Variants in RBM6 observed in about 807,000 individuals in gnomAD.
The protein encoded by RBM6 is RNA-binding protein 6.
Under a neutral mutation model 140.4 loss-of-function variants are expected in RBM6, and 23 were observed. That is an observed-to-expected ratio of 0.16 (90% CI 0.12 to 0.23). The LOEUF (loss-of-function observed/expected upper bound fraction) is 0.23, where lower values mean the gene tolerates loss of function less well. Among genes scored for constraint, RBM6 ranks in the 10% least tolerant of loss-of-function variants. RBM6 has a pLI of 1.00. For synonymous variants in RBM6, 439 were observed against 475.6 expected, an observed-to-expected ratio of 0.92 and a Z score of 1.00; for missense variants, 1,139 against 1,386.7, an observed-to-expected ratio of 0.82 and a Z score of 2.84.
At chr3:50,065,321 G>A (rs562313070) in intron 16 of RBM6, among the ~76,000 whole-genome samples, 195 bp downstream of exon 16, 44 of 152,280 alleles carry the variant, frequency 2.9e-4, no homozygotes, top group Non-Finnish European at 4.0e-4. Flanking sequence ...GGTATTACTG[G>A]AGAACCAGAG....
intron 7 of RBM6, among the ~76,000 whole-genome samples, chr3:50,049,495 A>G (rs2089376082): frequency 6.6e-6 from 1 of 152,196 alleles, no homozygotes; most frequent in Non-Finnish European, 1.5e-5. Context: ...TATCAAAAAT[A>G]ATTATGAAAA....
intron 8 of RBM6, among the ~76,000 whole-genome samples, 161 bp from the exon 9 acceptor site, chr3:50,057,567 A>G (rs2089754490): frequency 1.4e-5 from 2 of 147,138 alleles, no homozygotes; most frequent in African/African-American, 2.5e-5. Context: ...CAGCTGGGCA[A>G]CAAGAGCAAA....
chr3:49,965,620 A>G lies in RBM6; in HGVS notation c.45-1850A>G, dbSNP rs572307567. 1.9e-3 allele frequency among the ~76,000 whole-genome samples: 284 copies of G among 152,148 alleles called. 3 individuals are homozygous for G. Among genetic ancestry groups the G allele is most frequent in the African/African-American group, 6.5e-3 (268 of 41,526 alleles). ...GGGAGGCGGAGCTTGCAGTGAGCCA[A>G]TATCGCGCCACTGCACTCCAGCCTG... On this transcript the variant is annotated intron_variant, in intron 2 of 20. Coordinates refer to ENST00000266022, the MANE Select transcript of RBM6 (RefSeq NM_005777.3).
intron 19 of RBM6, among the ~76,000 whole-genome samples, chr3:50,072,371 C>T (rs2090331107): frequency 6.7e-6 from 1 of 150,374 alleles, no homozygotes. Context: ...GATTGCACCA[C>T]TGTACTCTAG....
chr3:49,993,573 C>T (rs1042852472), intron 5 of RBM6, among the ~76,000 whole-genome samples: 9 of 151,836 alleles, frequency 5.9e-5, no homozygotes, highest in African/African-American at 1.2e-4. Context: ...ACCTGGTAGG[C>T]GGTAGTTGCA....
At chr3:49,965,840 G>A (rs1046602204) in intron 2 of RBM6, among the ~76,000 whole-genome samples, 1 of 151,716 alleles carries the variant, frequency 6.6e-6, no homozygotes, top group Non-Finnish European at 1.5e-5. Flanking sequence ...CTTTAAGAAA[G>A]GGTTGGCCGG....
intron 1 of RBM6, among the ~76,000 whole-genome samples, chr3:49,941,576 G>C (rs1296577957): frequency 6.8e-6 from 1 of 146,646 alleles, no homozygotes; most frequent in Non-Finnish European, 1.5e-5. Flanking sequence ...GGAGGCGGAG[G>C]TTGCGGTGAG....
At chr3:49,956,421 C>T (rs1483342040) in intron 1 of RBM6, among the ~76,000 whole-genome samples, 3 of 148,592 alleles carry the variant, frequency 2.0e-5, no homozygotes, top group Admixed American at 1.3e-4. Flanking sequence ...CTGCAACCTC[C>T]GCCTCCCGGG....
At chr3:50,051,802 A>G (rs2089479363) in intron 7 of RBM6, among the ~76,000 whole-genome samples, 1 of 152,236 alleles carries the variant, frequency 6.6e-6, no homozygotes, top group African/African-American at 2.4e-5. Context: ...GCATATCCAT[A>G]CAATGAAATG....
intron 5 of RBM6, 83 bp from the exon 6 acceptor site, chr3:49,999,357 T>G (rs893417908): frequency 8.1e-7 from 1 of 1,238,062 alleles, no homozygotes; most frequent in African/African-American, 1.5e-5. Context: ...TTTAAGGGGT[T>G]CAGAAACAGG....
chr3:50,022,325 T>C (rs6446193), intron 6 of RBM6, among the ~76,000 whole-genome samples: 80,200 of 151,294 alleles, frequency 0.53, 21,885 homozygotes, highest in East Asian at 0.86. Flanking sequence ...TGATTTAGTT[T>C]TTCTTCTTTC....
In RBM6 at chr3:49,967,452, C is replaced by T. The variant is rs1357152341; in HGVS notation, c.45-18C>T. On this transcript the variant is annotated intron_variant, in intron 2 of 20. Coordinates refer to ENST00000266022, the MANE Select transcript of RBM6 (RefSeq NM_005777.3). The surrounding 1 kb of genome is among the most constrained non-coding windows in gnomAD (Gnocchi z 4.0). ...AACTCTCTGGACAATATGAATAACA[C>T]TGTCTTTGTTTCTACAGTGGGAGCC... 6.2e-7 allele frequency: 1 copy of T among 1,607,150 alleles called. No individual in the cohort carries two copies. The highest frequency in any genetic ancestry group is 8.5e-7 in the Non-Finnish European group (1 of 1,175,912).
At chr3:49,941,996 G>A (rs2083303246) in intron 1 of RBM6, among the ~76,000 whole-genome samples, 1 of 151,544 alleles carries the variant, frequency 6.6e-6, no homozygotes, top group African/African-American at 2.4e-5. Flanking sequence ...AACTACTCAG[G>A]AGGCTGAGAT....
intron 6 of RBM6, among the ~76,000 whole-genome samples, chr3:50,027,520 G>T (rs2087910288): frequency 6.6e-6 from 1 of 152,112 alleles, no homozygotes; most frequent in South Asian, 2.1e-4. Context: ...TCTACCCCCA[G>T]TCATCTGCTA....
rs7636203 is a variant in RBM6, at chr3:50,057,676, T to C, written c.1694-52T>C. ...TACAGTAGCAGTGTTTTTTCTTTTTTTTTTTTTTTGATAAAGCTTTCTAGA... is the reference window on the plus strand; with the variant it reads ...TACAGTAGCAGTGTTTTTTCTTTTTCTTTTTTTTTGATAAAGCTTTCTAGA... On this transcript the variant is annotated intron_variant, in intron 8 of 20. Coordinates refer to ENST00000266022, the MANE Select transcript of RBM6 (RefSeq NM_005777.3). The C allele has an allele frequency of 5.4e-3, 8,059 of 1,482,846 alleles. 376 individuals are homozygous for C. The African/African-American group carries it at 0.097, about 18-fold the overall frequency. 91.9% of individuals were successfully genotyped at this position (1,482,846 alleles called of 1,614,324 possible).
At position 49,999,658 on chromosome 3, in the gene RBM6, A is replaced by G. The variant is rs551422424; in HGVS notation, c.1557+145A>G. The stretch of plus-strand genomic sequence containing the variant: ...GTATTCCAACCATCGGTTGTGAGGA[A>G]AATCTTTAAAAAGGCTGGAAAGCTT... On this transcript the variant is annotated intron_variant, in intron 6 of 20. Coordinates refer to ENST00000266022, the MANE Select transcript of RBM6 (RefSeq NM_005777.3). 24 of 706,612 alleles carry G rather than the reference A, an allele frequency of 3.4e-5. No homozygotes were observed. In the South Asian group the frequency reaches 4.4e-4, roughly 13 times the overall value. 43.8% of individuals were successfully genotyped at this position (706,612 alleles called of 1,614,324 possible). A position where few individuals can be genotyped will look rare whatever the true frequency, so the allele number is the denominator to read the frequency against.
chr3:50,073,889 G>C lies in RBM6; in HGVS notation c.3117-1312G>C, dbSNP rs138700629. 4.5e-3 allele frequency among the ~76,000 whole-genome samples: 674 copies of C among 149,390 alleles called. 2 individuals carry two copies. The highest frequency in any genetic ancestry group is 7.5e-3 in the Non-Finnish European group (506 of 67,670). ...TGTTTTGAGACAGTCTCATTCTGTC[G>C]CCCAGGCTGGAGTGCAATGGCACGA... On this transcript the variant is annotated intron_variant, in intron 19 of 20. Transcript: ENST00000266022.
At chr3:50,068,844 C>G (rs578070333) in intron 18 of RBM6, 80 bp downstream of exon 18, 3 of 1,270,218 alleles carry the variant, frequency 2.4e-6, no homozygotes, top group Non-Finnish European at 3.4e-6. Flanking sequence ...TGTGCTGATC[C>G]CTCCTTATAA....
At chr3:50,070,315 A>G (rs928971966) in intron 18 of RBM6, 140 bp from the exon 19 acceptor site, 1 of 629,770 alleles carries the variant, frequency 1.6e-6, no homozygotes, top group African/African-American at 1.9e-5. Context: ...AGATCACGCC[A>G]GTGTACTCCA....
Sources: gnomAD v4.1 joint callset for allele counts (sites outside exome capture counted in the v4.1 genomes callset) on GRCh38, gnomAD v4.1.1 for gene constraint, Gnocchi (gnomAD v3.1) non-coding constraint, MANE v1.5 for transcripts, NCBI Gene and HGNC (gene_info 2026-07-23, HGNC 2026-07-21) for gene names.